The following FBXW11 variants were observed in gnomAD, a reference collection of about 807,000 sequenced individuals.
FBXW11 encodes the protein F-box and WD repeat domain containing 11.
Under a neutral mutation model 77.6 loss-of-function variants are expected in FBXW11, and 19 were observed. That is an observed-to-expected ratio of 0.24 (90% CI 0.17 to 0.36). The LOEUF (loss-of-function observed/expected upper bound fraction) is 0.36. Ranked by LOEUF, FBXW11 falls within the 10% of genes least tolerant of loss-of-function variation. The probability of loss-of-function intolerance (pLI) is 1.00; values close to 1 mark genes in which losing one functional copy is unlikely to be tolerated. For missense variants in FBXW11, 334 were observed against 704.2 expected (o/e 0.47, Z 5.95); for synonymous variants, 235 against 249.4 (o/e 0.94, Z 0.54).
At chr5:171,865,766 A>T (rs1469133796) in intron 13 of FBXW11, among the ~76,000 whole-genome samples, 1 of 151,912 alleles carries the variant, frequency 6.6e-6, no homozygotes, top group Non-Finnish European at 1.5e-5. Context: ...TACAACATAC[A>T]GCTCTTAGAT....
At chr5:171,917,790 G>GTGTGTGTGTA (rs1368800491) in intron 2 of FBXW11, among the ~76,000 whole-genome samples, 1 of 151,806 alleles carries the variant, frequency 6.6e-6, no homozygotes, top group Non-Finnish European at 1.5e-5. Flanking sequence ...GTGTGTGTGT[G>GTGTGTGTGTA]TGTGTGTGTA....
At chr5:171,913,906 C>T (rs1194102563) in intron 3 of FBXW11, among the ~76,000 whole-genome samples, 2 of 149,832 alleles carry the variant, frequency 1.3e-5, no homozygotes, top group East Asian at 2.0e-4. Context: ...AACTGGCAAA[C>T]CTTAAACTAG....
intron 2 of FBXW11, among the ~76,000 whole-genome samples, chr5:171,922,906 CGT>C (rs140856911): frequency 1.5e-4 from 22 of 150,436 alleles, no homozygotes; most frequent in East Asian, 7.8e-4. Context: ...CGTGTGTGTG[CGT>C]GTGTGTGTGT....
intron 1 of FBXW11, among the ~76,000 whole-genome samples, chr5:171,992,451 A>G (rs1407019832): frequency 4.0e-5 from 6 of 151,732 alleles, no homozygotes; most frequent in Non-Finnish European, 8.8e-5. Flanking sequence ...AGGGGGAGAG[A>G]GAGAGAGAGA....
intron 1 of FBXW11, among the ~76,000 whole-genome samples, chr5:171,993,656 CAT>C (rs1426576778): frequency 6.6e-6 from 1 of 152,050 alleles, no homozygotes; most frequent in Non-Finnish European, 1.5e-5. Flanking sequence ...TGCCAACACA[CAT>C]ATCACTGTAA....
intron 2 of FBXW11, among the ~76,000 whole-genome samples, chr5:171,914,669 T>A (rs1195163785): frequency 2.6e-5 from 4 of 152,188 alleles, no homozygotes; most frequent in Non-Finnish European, 5.9e-5. Flanking sequence ...GGCTAAATTG[T>A]GGGAGTAAGG....
chr5:171,913,669 T>G (rs1001929269), intron 3 of FBXW11, among the ~76,000 whole-genome samples: 4 of 152,150 alleles, frequency 2.6e-5, no homozygotes, highest in African/African-American at 7.2e-5. Context: ...ACCCAGAGAA[T>G]TTATTTTTAC....
Position 171,872,911 on chromosome 5 carries a change from T to A in FBXW11, c.1301A>T (p.Asp434Val), listed in dbSNP as rs1561633774. 6.2e-7 allele frequency: 1 copy of A among 1,614,192 alleles called. No individual in the cohort carries two copies. Among genetic ancestry groups the A allele is most frequent in the Non-Finnish European group, 8.5e-7 (1 of 1,180,012 alleles). The change falls in exon 10 of 14, where the codon GAT becomes GTT. Residue 434 changes from aspartate (D) to valine (V), a missense_variant. Coordinates refer to ENST00000517395, the MANE Select transcript of FBXW11 (RefSeq NM_001378974.1). ...KRGIACLQYR[D>V]RLVVSGSSDN... ...TGATGATCCACTAACAACCAGGCGA[T>A]CCCTGTACTGGAGACAGGCAATGCC...
At chr5:171,914,823 T>G (rs76333212) in intron 2 of FBXW11, among the ~76,000 whole-genome samples, 1 of 152,268 alleles carries the variant, frequency 6.6e-6, no homozygotes, top group Admixed American at 6.5e-5. Flanking sequence ...CAATTAGAAG[T>G]AGCAAAGCCT....
chr5:171,929,624 G>A (rs937704610), intron 2 of FBXW11, among the ~76,000 whole-genome samples: 1 of 152,048 alleles, frequency 6.6e-6, no homozygotes, highest in African/African-American at 2.4e-5. Context: ...GGCCGAGGTG[G>A]GCAGATCACG....
In FBXW11 at chr5:171,936,597, A is replaced by G. The variant is rs544077864; in HGVS notation, c.147+21000T>C. ...TCTATAAAAAGAAATTTCAAAAATAAAAGAGCAAAGAAAGCACATCATGAA... is the reference window on the plus strand; with the variant it reads ...TCTATAAAAAGAAATTTCAAAAATAGAAGAGCAAAGAAAGCACATCATGAA... On this transcript the variant is annotated intron_variant, in intron 2 of 13. Transcript: ENST00000517395. 2.0e-5 allele frequency among the ~76,000 whole-genome samples: 3 copies of G among 152,200 alleles called. No individual in the cohort carries two copies. The South Asian group carries it at 6.2e-4, about 31-fold the overall frequency.
intron 6 of FBXW11, 45 bp from the exon 7 acceptor site, chr5:171,891,649 T>C (rs1581158152): frequency 6.3e-7 from 1 of 1,594,334 alleles, no homozygotes; most frequent in Non-Finnish European, 8.5e-7. Flanking sequence ...TGAATCAACT[T>C]ACTCTATTAG....
intron 2 of FBXW11, among the ~76,000 whole-genome samples, chr5:171,915,506 C>G (rs1226043684): frequency 6.6e-6 from 1 of 152,108 alleles, no homozygotes; most frequent in Non-Finnish European, 1.5e-5. Context: ...ACTAGCTGCT[C>G]TACAGGTCAC....
intron 1 of FBXW11, among the ~76,000 whole-genome samples, chr5:172,002,414 A>ATGTGTGTG (rs55720474): frequency 0.016 from 2,301 of 144,046 alleles, 72 homozygotes; most frequent in African/African-American, 0.054. Context: ...TTTTATATAA[A>ATGTGTGTG]TGTGTGTGTG....
intron 2 of FBXW11, among the ~76,000 whole-genome samples, chr5:171,923,980 C>T (rs1047614870): frequency 2.6e-5 from 3 of 115,836 alleles, no homozygotes; most frequent in African/African-American, 1.0e-4. Flanking sequence ...GGCTGGAGTG[C>T]TGTGGCACGA....
chr5:172,003,519 T>TA (rs1392108384), intron 1 of FBXW11, among the ~76,000 whole-genome samples: 2 of 152,182 alleles, frequency 1.3e-5, no homozygotes, highest in Non-Finnish European at 2.9e-5. Flanking sequence ...CTAACAGGTA[T>TA]AGCCCTGGGC....
At chr5:171,945,554 A>C (rs1242914332) in intron 2 of FBXW11, among the ~76,000 whole-genome samples, 2 of 152,214 alleles carry the variant, frequency 1.3e-5, no homozygotes, top group Non-Finnish European at 2.9e-5. Flanking sequence ...TATGGGAAAG[A>C]GCTTAGTAAC....
intron 13 of FBXW11, among the ~76,000 whole-genome samples, chr5:171,864,793 A>G (rs542964042): frequency 1.3e-5 from 2 of 152,170 alleles, no homozygotes; most frequent in Non-Finnish European, 2.9e-5. Context: ...ACACACAAAA[A>G]AACAATATTC....
At chr5:171,967,751 A>G (rs757568094) in intron 1 of FBXW11, among the ~76,000 whole-genome samples, 2 of 151,530 alleles carry the variant, frequency 1.3e-5, no homozygotes, top group Non-Finnish European at 2.9e-5. Context: ...AGGCAGGAGA[A>G]TCGCTTGAAC....
Sources: allele counts gnomAD v4.1 joint callset (sites outside exome capture counted in the v4.1 genomes callset), GRCh38; gene constraint gnomAD v4.1.1; transcripts MANE v1.5; gene names NCBI Gene and HGNC (gene_info 2026-07-23, HGNC 2026-07-21).